Variants in TNKS observed in about 807,000 individuals in gnomAD.
TNKS encodes tankyrase, also known as poly [ADP-ribose] polymerase tankyrase-1.
In TNKS, 72 loss-of-function variants were observed where a neutral mutation model predicts 135.8. The observed-to-expected ratio is 0.53, with a 90% confidence interval of 0.44 to 0.64. The LOEUF is 0.64. TNKS is among the 30% of genes least tolerant of loss of function. The pLI is 0.00. For synonymous variants in TNKS, 849 were observed against 649.3 expected (o/e 1.31, Z -4.68); for missense variants, 1,769 against 1,674.0 (o/e 1.06, Z -0.99).
At chr8:9,635,349 A>T (rs1183318696) in intron 3 of TNKS, among the ~76,000 whole-genome samples, 2 of 152,218 alleles carry the variant, frequency 1.3e-5, no homozygotes, top group Non-Finnish European at 2.9e-5. Context: ...GGAATTCTTC[A>T]GTGGTAATAC....
At chr8:9,578,704 A>C (rs992284552) in intron 1 of TNKS, among the ~76,000 whole-genome samples, 1 of 152,164 alleles carries the variant, frequency 6.6e-6, no homozygotes, top group Non-Finnish European at 1.5e-5. Context: ...AAATAAAGGA[A>C]GATGTGACTC....
chr8:9,671,507 G>A (rs922947421), intron 3 of TNKS, among the ~76,000 whole-genome samples: 1 of 152,182 alleles, frequency 6.6e-6, no homozygotes, highest in African/African-American at 2.4e-5. Context: ...ACTAGAATCA[G>A]AAGTTTATAT....
intron 2 of TNKS, among the ~76,000 whole-genome samples, chr8:9,582,120 G>T (rs1207682536): frequency 6.6e-6 from 1 of 152,164 alleles, no homozygotes; most frequent in Non-Finnish European, 1.5e-5. Flanking sequence ...AGTCAAAATT[G>T]GTTGTAAACC....
chr8:9,773,846 T>A (rs913438991), intron 26 of TNKS, among the ~76,000 whole-genome samples: 1 of 152,226 alleles, frequency 6.6e-6, no homozygotes, highest in Non-Finnish European at 1.5e-5. Context: ...TAGCGTCTGC[T>A]AATTGAGTAC....
intron 4 of TNKS, among the ~76,000 whole-genome samples, chr8:9,680,214 C>G (rs1485599797): frequency 2.0e-5 from 3 of 152,096 alleles, no homozygotes; most frequent in Non-Finnish European, 4.4e-5. Context: ...CCTAAGGTAC[C>G]TGTAAACCCT....
chr8:9,759,087 A>T (rs1807004901), intron 20 of TNKS, among the ~76,000 whole-genome samples: 1 of 152,210 alleles, frequency 6.6e-6, no homozygotes, highest in Admixed American at 6.5e-5. Flanking sequence ...AGCAAGAGAA[A>T]GATGATCTGC....
At chr8:9,731,234 CAGATCACCTG>C (rs1437838740) in intron 14 of TNKS, among the ~76,000 whole-genome samples, 199 bp downstream of exon 14, 1 of 151,898 alleles carries the variant, frequency 6.6e-6, no homozygotes, top group African/African-American at 2.4e-5. Context: ...CGAAGGCGGG[CAGATCACCTG>C]AGATCAGGAG....
intron 11 of TNKS, chr8:9,710,559 A>T (rs1804276276): frequency 2.2e-6 from 1 of 465,076 alleles, no homozygotes; most frequent in Non-Finnish European, 3.8e-6. Flanking sequence ...ATCAGAAAAT[A>T]AATTATGTTA....
At chr8:9,728,579 A>G (rs1317557626) in intron 13 of TNKS, among the ~76,000 whole-genome samples, 1 of 152,242 alleles carries the variant, frequency 6.6e-6, no homozygotes, top group Non-Finnish European at 1.5e-5. Context: ...AAGCAGCATT[A>G]GGAAGAAGCT....
In TNKS at chr8:9,740,805, C is replaced by CATT. The variant is rs1805904713; in HGVS notation, c.2643+5320_2643+5322dup. The CATT allele has an allele frequency of 2.8e-5, 4 of 142,510 alleles. No homozygotes were observed. The Admixed American group carries it at 2.9e-4, about 10-fold the overall frequency. The allele number at this position is 142,510 out of a possible 1,614,324, so 8.8% of individuals were successfully genotyped here. ...ATTTGCTGCTAACATACTACATATA[C>CATT]ATTTATATGTAATTCTTGTTGTTTT... On this transcript the variant is annotated intron_variant, in intron 17 of 26. Coordinates refer to ENST00000310430, the MANE Select transcript of TNKS (RefSeq NM_003747.3).
At chr8:9,577,537 G>T (rs1338860592) in intron 1 of TNKS, among the ~76,000 whole-genome samples, 1 of 152,148 alleles carries the variant, frequency 6.6e-6, no homozygotes, top group African/African-American at 2.4e-5. Flanking sequence ...GGTCAGGGAA[G>T]GAGGCAGAGG....
intron 26 of TNKS, chr8:9,772,298 C>G: frequency 2.3e-6 from 1 of 438,372 alleles, no homozygotes; most frequent in South Asian, 1.6e-5. Flanking sequence ...AGAAAGGGGA[C>G]AATGCCTTGA....
chr8:9,597,441 G>T (rs976424245), intron 2 of TNKS, among the ~76,000 whole-genome samples: 1 of 150,912 alleles, frequency 6.6e-6, no homozygotes, highest in African/African-American at 2.5e-5. Context: ...GCGTGAATTT[G>T]TGTTACATTC....
At chr8:9,695,734 A>G (rs946840357) in intron 5 of TNKS, among the ~76,000 whole-genome samples, 9 of 152,196 alleles carry the variant, frequency 5.9e-5, no homozygotes, top group Admixed American at 1.3e-4. Context: ...AGTAGGTGAC[A>G]GTAGATGTGG....
In TNKS at chr8:9,751,642, A is replaced by G. The variant is rs1585416669; in HGVS notation, c.2866A>G (p.Met956Val). Reference sequence around the variant, plus strand: ...TATCAGAGCTTTGCTGATAGATGCCATGCCCCCAGAGGCCTTACCTACCTG... The same window carrying G: ...TATCAGAGCTTTGCTGATAGATGCCGTGCCCCCAGAGGCCTTACCTACCTG... Reference protein sequence around the residue: ...DDIRALLIDAMPPEALPTCFK... With the variant: ...DDIRALLIDAVPPEALPTCFK... Residue 956 changes from methionine (M) to valine (V), a missense_variant, in exon 19 of 27, where the codon ATG becomes GTG. Met to Val is a conservative substitution (Grantham distance 21). Transcript: ENST00000310430. 1.2e-6 allele frequency: 2 copies of G among 1,614,178 alleles called. No individual in the cohort carries two copies.
chr8:9,621,854 A>G (rs1236485316), intron 3 of TNKS, among the ~76,000 whole-genome samples: 1 of 152,194 alleles, frequency 6.6e-6, no homozygotes, highest in African/African-American at 2.4e-5. Flanking sequence ...ATATTTATCT[A>G]TATGAATTTT....
chr8:9,622,768 A>G (rs1302883440), intron 3 of TNKS, among the ~76,000 whole-genome samples: 1 of 152,194 alleles, frequency 6.6e-6, no homozygotes, highest in Non-Finnish European at 1.5e-5. Context: ...AGTAAGACTC[A>G]TCATCATATT....
intron 3 of TNKS, among the ~76,000 whole-genome samples, chr8:9,667,655 T>C (rs1468958882): frequency 6.6e-6 from 1 of 152,230 alleles, no homozygotes; most frequent in Non-Finnish European, 1.5e-5. Context: ...CTCAGAAAGA[T>C]GTAGTGAGTG....
chr8:9,642,557 T>C (rs1800766148), intron 3 of TNKS, among the ~76,000 whole-genome samples: 1 of 146,578 alleles, frequency 6.8e-6, no homozygotes, highest in Admixed American at 7.2e-5. Context: ...AACCATTTAG[T>C]TACATAATTT....
Sources: allele counts gnomAD v4.1 joint callset (sites outside exome capture counted in the v4.1 genomes callset), GRCh38; gene constraint gnomAD v4.1.1; transcripts MANE v1.5; gene names NCBI Gene and HGNC (gene_info 2026-07-23, HGNC 2026-07-21).